PTPRD: variants seen among roughly 807,000 people sequenced by gnomAD.
PTPRD encodes the protein protein tyrosine phosphatase receptor type D.
In PTPRD, 34 loss-of-function variants were observed where a neutral mutation model predicts 214.5. That is an observed-to-expected ratio of 0.16 (90% CI 0.12 to 0.21). PTPRD has a LOEUF of 0.21. PTPRD is among the 10% of genes least tolerant of loss of function. The pLI is 1.00. For missense variants in PTPRD, 2,545 were observed against 2,398.7 expected, an observed-to-expected ratio of 1.06 and a Z score of -1.27; for synonymous variants, 1,128 against 845.7, an observed-to-expected ratio of 1.33 and a Z score of -5.79.
intron 14 of PTPRD, among the ~76,000 whole-genome samples, chr9:8,624,523 C>A (rs1416474006): frequency 6.6e-6 from 1 of 151,744 alleles, no homozygotes; most frequent in Non-Finnish European, 1.5e-5. Context: ...GATGGGAGAG[C>A]CAAACCAGCT....
chr9:9,621,391 G>A (rs953794622), intron 7 of PTPRD, among the ~76,000 whole-genome samples: 5 of 151,974 alleles, frequency 3.3e-5, no homozygotes, highest in Non-Finnish European at 5.9e-5. Flanking sequence ...TTATAGAAAC[G>A]CTCATAAAGA....
intron 5 of PTPRD, among the ~76,000 whole-genome samples, chr9:9,889,496 T>C (rs16930517): frequency 0.026 from 3,982 of 152,250 alleles, 153 homozygotes; most frequent in African/African-American, 0.085. Context: ...GGAGGACTTA[T>C]AGATTCGGAT....
chr9:8,783,203 A>G (rs2095805955), intron 11 of PTPRD, among the ~76,000 whole-genome samples: 1 of 152,194 alleles, frequency 6.6e-6, no homozygotes, highest in Admixed American at 6.5e-5. Context: ...AGAACAAAAA[A>G]AGTTCAAAAT....
chr9:10,490,035 G>T (rs1214700755), intron 2 of PTPRD, among the ~76,000 whole-genome samples: 4 of 152,124 alleles, frequency 2.6e-5, no homozygotes, highest in Non-Finnish European at 5.9e-5. Context: ...TTGTTAAATT[G>T]GTGTCCTTGT....
At chr9:9,272,635 A>C (rs776264591) in intron 9 of PTPRD, among the ~76,000 whole-genome samples, 1 of 151,368 alleles carries the variant, frequency 6.6e-6, no homozygotes. Flanking sequence ...TTGAGCCTCA[A>C]ATTGTTTTTT....
At position 8,364,982 on chromosome 9, in the gene PTPRD, C is replaced by A. The variant is rs553588478; in HGVS notation, c.4661+10954G>T. ...TGCATCTAGAAAATGTTAAGGGACC[C>A]TTTAATCAAATTGATTTGAACAAAA... On this transcript the variant is annotated intron_variant, in intron 39 of 45. Transcript: ENST00000381196. 2.0e-5 allele frequency among the ~76,000 whole-genome samples: 3 copies of A among 152,172 alleles called. No homozygotes were observed. In the South Asian group the frequency reaches 6.2e-4, roughly 32 times the overall value.
At chr9:8,550,954 T>C (rs2081922352) in intron 14 of PTPRD, among the ~76,000 whole-genome samples, 1 of 152,216 alleles carries the variant, frequency 6.6e-6, no homozygotes. Flanking sequence ...CTCATAACAA[T>C]TACTCATCAC....
chr9:9,284,065 A>C (rs1039792967), intron 9 of PTPRD, among the ~76,000 whole-genome samples: 1 of 151,680 alleles, frequency 6.6e-6, no homozygotes, highest in East Asian at 2.0e-4. Context: ...TATCTCTAAC[A>C]CTAAGTAAAC....
chr9:9,744,909 T>C (rs1253527534), intron 6 of PTPRD, among the ~76,000 whole-genome samples: 1 of 152,028 alleles, frequency 6.6e-6, no homozygotes, highest in African/African-American at 2.4e-5. Context: ...CATTTGCATG[T>C]AGTTCTAATG....
intron 10 of PTPRD, among the ~76,000 whole-genome samples, chr9:9,167,267 T>G (rs1364476178): frequency 6.6e-6 from 1 of 152,056 alleles, no homozygotes; most frequent in East Asian, 1.9e-4. Context: ...AACACTGATG[T>G]GCTTCTTATT....
At chr9:8,904,862 A>T (rs1009904602) in intron 11 of PTPRD, among the ~76,000 whole-genome samples, 1 of 152,188 alleles carries the variant, frequency 6.6e-6, no homozygotes, top group Non-Finnish European at 1.5e-5. Flanking sequence ...CAACTCAACT[A>T]AATTTCATGT....
chr9:10,495,679 C>T (rs7019813), intron 2 of PTPRD, among the ~76,000 whole-genome samples: 103,557 of 151,542 alleles, frequency 0.68, 37,277 homozygotes, highest in Middle Eastern at 0.85. Context: ...TACATAATTC[C>T]TAAGTGGAAA....
At chr9:9,473,864 G>C (rs987525866) in intron 8 of PTPRD, among the ~76,000 whole-genome samples, 1 of 149,274 alleles carries the variant, frequency 6.7e-6, no homozygotes, top group Non-Finnish European at 1.5e-5. Context: ...ATATATTCTG[G>C]ATATTTAGTC....
At chr9:8,660,400 T>C (rs931107250) in intron 12 of PTPRD, among the ~76,000 whole-genome samples, 6 of 152,172 alleles carry the variant, frequency 3.9e-5, no homozygotes, top group Admixed American at 3.3e-4. Flanking sequence ...TTAAGCCCAC[T>C]GGTGGCAGAT....
intron 8 of PTPRD, among the ~76,000 whole-genome samples, chr9:9,434,379 G>T (rs1051903421): frequency 6.6e-6 from 1 of 152,090 alleles, no homozygotes; most frequent in African/African-American, 2.4e-5. Flanking sequence ...ATAAATAAAT[G>T]GTAGGGTATC....
At chr9:9,159,331 A>G (rs1298813066) in intron 10 of PTPRD, among the ~76,000 whole-genome samples, 3 of 152,170 alleles carry the variant, frequency 2.0e-5, no homozygotes, top group African/African-American at 7.2e-5. Flanking sequence ...ACTCCACCAT[A>G]AAGCTGTTAG....
intron 3 of PTPRD, among the ~76,000 whole-genome samples, chr9:10,135,030 C>G (rs539441751): frequency 1.4e-4 from 22 of 152,146 alleles, no homozygotes; most frequent in African/African-American, 5.1e-4. Flanking sequence ...TTAAAAGAAC[C>G]AAATTGAACT....
At position 8,339,882 on chromosome 9, in the gene PTPRD, G is replaced by C. The variant is rs373732063; in HGVS notation, c.5253+461C>G. Among the ~76,000 whole-genome samples the C allele has an allele frequency of 5.3e-5, 8 of 151,772 alleles. No individual in the cohort carries two copies. The East Asian group carries it at 7.8e-4, about 15-fold the overall frequency. On this transcript the variant is annotated intron_variant, in intron 42 of 45. Transcript: ENST00000381196. ...TTCAAAAGTGGATCTGGGATTACCA[G>C]GTTATATCCTTAGAAAAACTATGTT...
At chr9:9,402,808 A>C (rs2071231472) in intron 8 of PTPRD, among the ~76,000 whole-genome samples, 1 of 151,834 alleles carries the variant, frequency 6.6e-6, no homozygotes, top group Non-Finnish European at 1.5e-5. Flanking sequence ...TAAATAAACC[A>C]ATATATTAAA....
Sources: allele counts gnomAD v4.1 joint callset (sites outside exome capture counted in the v4.1 genomes callset), GRCh38; gene constraint gnomAD v4.1.1; transcripts MANE v1.5; gene names NCBI Gene and HGNC (gene_info 2026-07-23, HGNC 2026-07-21).